Variants in CSN1S1 observed in about 807,000 individuals in gnomAD.
CSN1S1 encodes the protein alpha-S1-casein.
A neutral mutation model predicts 49.1 loss-of-function variants in CSN1S1; 63 were observed. The ratio of observed to expected loss-of-function variants is 1.28; its 90% confidence interval spans 1.05 to 1.58. The LOEUF (loss-of-function observed/expected upper bound fraction) is 1.58. Among genes scored for constraint, CSN1S1 ranks in the 40% most tolerant of loss-of-function variants. The pLI, the probability that CSN1S1 is intolerant of heterozygous loss-of-function variation, is 0.00. For missense variants in CSN1S1, 260 were observed against 224.7 expected (o/e 1.16, Z -1.01); for synonymous variants, 78 against 67.1 (o/e 1.16, Z -0.79).
chr4:69,935,859 A>G, intron 4 of CSN1S1, 67 bp from the exon 5 acceptor site: 3 of 1,003,420 alleles, frequency 3.0e-6, no homozygotes, highest in Non-Finnish European at 4.5e-6. Flanking sequence ...ATTCAAGGAC[A>G]TTATCTAAAT....
At position 69,931,405 on chromosome 4, in the gene CSN1S1, G is replaced by A. The variant is rs373593004; in HGVS notation, c.-13+288G>A. On this transcript the variant is annotated intron_variant, in intron 1 of 15. Coordinates refer to ENST00000246891, the MANE Select transcript of CSN1S1 (RefSeq NM_001890.2). ...TAATTTCAGTAGAGGCTTGGGGTAA[G>A]CTAATTTAAATTATTTTTACCTAAT... 1.2e-4 allele frequency among the ~76,000 whole-genome samples: 18 copies of A among 151,976 alleles called. No individual in the cohort carries two copies. The East Asian group carries it at 1.3e-3, about 11-fold the overall frequency.
rs1034842129 is a variant in CSN1S1 at position 69,936,378 on chromosome 4, G to C, written c.130-78G>C. The C allele has an allele frequency of 1.6e-5, 17 of 1,074,772 alleles. No individual in the cohort carries two copies. The African/African-American group carries it at 2.4e-4, about 15-fold the overall frequency. 66.6% of individuals were successfully genotyped at this position (1,074,772 alleles called of 1,614,324 possible). A position where few individuals can be genotyped will look rare whatever the true frequency, so the allele number is the denominator to read the frequency against. ...TAAATTTGTATCAGCACGATGTGAA[G>C]TACAGTTTCTCATAGATTTCCACTC... On this transcript the variant is annotated intron_variant, in intron 5 of 15. Coordinates refer to ENST00000246891, the MANE Select transcript of CSN1S1 (RefSeq NM_001890.2).
At chr4:69,932,702 G>A (rs1356474001) in intron 2 of CSN1S1, 96 bp downstream of exon 2, 4 of 1,109,714 alleles carry the variant, frequency 3.6e-6, no homozygotes, top group African/African-American at 3.1e-5. Context: ...TAATCTTAAA[G>A]CACTGGATGA....
intron 4 of CSN1S1, 61 bp downstream of exon 4, chr4:69,934,771 G>A: frequency 7.0e-7 from 1 of 1,432,434 alleles, no homozygotes; most frequent in South Asian, 1.2e-5. Context: ...TCAGTTAGCT[G>A]TCATGCATGT....
chr4:69,937,167 T>A, intron 8 of CSN1S1, 23 bp downstream of exon 8: 1 of 1,498,012 alleles, frequency 6.7e-7, no homozygotes, highest in Non-Finnish European at 9.0e-7. Flanking sequence ...GTTTTAAAAT[T>A]ATTAAACCAA....
At position 69,936,426 on chromosome 4, in the gene CSN1S1, A is replaced by G. The variant is rs147916266; in HGVS notation, c.130-30A>G. 1.4e-3 allele frequency: 2,127 copies of G among 1,482,748 alleles called. 23 individuals carry two copies. In the African/African-American group the frequency reaches 0.021, roughly 14 times the overall value. 91.8% of individuals were successfully genotyped at this position (1,482,748 alleles called of 1,614,324 possible). On this transcript the variant is annotated intron_variant, in intron 5 of 15. Coordinates refer to ENST00000246891, the MANE Select transcript of CSN1S1 (RefSeq NM_001890.2). ...CTCATGTATGTCTTGTTTCACTAAT[A>G]TTGTTTATGTTTTCTTTTTTATCCC...
intron 10 of CSN1S1, among the ~76,000 whole-genome samples, chr4:69,939,683 G>A (rs968397513): frequency 5.9e-5 from 9 of 151,586 alleles, no homozygotes; most frequent in East Asian, 1.9e-4. Flanking sequence ...AAAGTGGTGC[G>A]GTTTTTCCTT....
intron 2 of CSN1S1, among the ~76,000 whole-genome samples, chr4:69,932,908 C>T (rs1344911469): frequency 2.0e-5 from 3 of 151,850 alleles, no homozygotes; most frequent in Admixed American, 6.6e-5. Flanking sequence ...TAATAAATAG[C>T]AACAAACAAT....
intron 1 of CSN1S1, among the ~76,000 whole-genome samples, 172 bp from the exon 2 acceptor site, chr4:69,932,372 T>C (rs1027787239): frequency 6.6e-6 from 1 of 151,910 alleles, no homozygotes; most frequent in African/African-American, 2.4e-5. Flanking sequence ...AACATTGATA[T>C]TGAGTAGTAA....
In CSN1S1 at chr4:69,946,120, G is replaced by A. The variant is rs975081293; in HGVS notation, c.*-76G>A. ...ATACGAAGAGAAAATAGTAAAACGT[G>A]TTCTACCATAAGAGCTTTTCTTTTC... is the stretch of plus-strand genomic sequence containing the variant. On this transcript the variant is annotated intron_variant, in intron 15 of 15. Coordinates refer to ENST00000246891, the MANE Select transcript of CSN1S1 (RefSeq NM_001890.2). 199 of 418,246 alleles carry A rather than the reference G, an allele frequency of 4.8e-4. 2 individuals are homozygous for A. Among genetic ancestry groups the A allele is most frequent in the Non-Finnish European group, 1.2e-4 (27 of 221,544 alleles). 25.9% of individuals were successfully genotyped at this position (418,246 alleles called of 1,614,324 possible).
rs368039308 is a variant in CSN1S1 at position 69,934,631 on chromosome 4, A to G, written c.85-59A>G. On this transcript the variant is annotated intron_variant, in intron 3 of 15. Transcript: ENST00000246891. ...CCACAACTTTCTATGAGCACAACTA[A>G]TCCTACATTCTGTCCTGCAATTGGA... The G allele has an allele frequency of 6.7e-6, 10 of 1,500,942 alleles. No individual in the cohort carries two copies. In the African/African-American group the frequency reaches 1.4e-4, roughly 21 times the overall value. The allele number at this position is 1,500,942 out of a possible 1,614,324, so 93.0% of individuals were successfully genotyped here.
chr4:69,933,878 A>G (rs1722686725), intron 2 of CSN1S1, among the ~76,000 whole-genome samples: 2 of 152,076 alleles, frequency 1.3e-5, no homozygotes, highest in African/African-American at 4.8e-5. Context: ...TATATAGTTC[A>G]GAAAACTAAA....
In CSN1S1 at chr4:69,938,533, T is replaced by A. The variant is rs117281597; in HGVS notation, c.244-643T>A. ...TACCTACTCTACAATTATATTTTTT[T>A]AAATGCTGACTTATTACATATGGTT... On this transcript the variant is annotated intron_variant, in intron 9 of 15. Coordinates refer to ENST00000246891, the MANE Select transcript of CSN1S1 (RefSeq NM_001890.2). Among the ~76,000 whole-genome samples, 50 of 151,808 alleles carry A rather than the reference T, an allele frequency of 3.3e-4. 1 individual carries two copies. In the East Asian group the frequency reaches 9.0e-3, roughly 27 times the overall value.
At chr4:69,944,503 G>A (rs545585434) in intron 14 of CSN1S1, among the ~76,000 whole-genome samples, 1 of 152,054 alleles carries the variant, frequency 6.6e-6, no homozygotes, top group East Asian at 1.9e-4. Flanking sequence ...AAATTCCCTT[G>A]AGTTTATAAC....
At chr4:69,935,718 C>T (rs953957830) in intron 4 of CSN1S1, among the ~76,000 whole-genome samples, 6 of 152,152 alleles carry the variant, frequency 3.9e-5, no homozygotes, top group South Asian at 4.1e-4. Flanking sequence ...CTCTCCTTTC[C>T]GTGACGTATG....
Position 69,935,911 on chromosome 4 carries a change from C to A in CSN1S1, c.106-15C>A. The A allele has an allele frequency of 1.5e-6, 2 of 1,308,540 alleles. No homozygotes were observed. Among genetic ancestry groups the A allele is most frequent in the East Asian group, 2.9e-5 (1 of 34,608 alleles). 81.1% of individuals were successfully genotyped at this position (1,308,540 alleles called of 1,614,324 possible). ...CAACTATGAATGAATTTTAACATAA[C>A]TTTTTTTTTTGTAGCCTATACCATT... is the stretch of plus-strand genomic sequence containing the variant. On this transcript the variant is annotated splice_polypyrimidine_tract_variant and intron_variant, in intron 4 of 15. Transcript: ENST00000246891.
chr4:69,932,578 G>A lies in CSN1S1; in HGVS notation c.23G>A (p.Cys8Tyr). The part of the protein sequence containing the change: MRLLILT[C>Y]LVAVALARPK... ...ACCATGAGGCTTCTCATTCTCACCT[G>A]TCTTGTGGCTGTTGCTCTTGCCAGG... Residue 8 changes from cysteine to tyrosine, a missense_variant, in exon 2 of 16, where the codon TGT becomes TAT. Physicochemically the swap from Cys to Tyr is radical, Grantham distance 194. Transcript: ENST00000246891. 1 of 1,603,822 alleles carries A rather than the reference G, an allele frequency of 6.2e-7. No individual in the cohort carries two copies. The highest frequency in any genetic ancestry group is 1.1e-5 in the South Asian group (1 of 89,430).
chr4:69,939,970 G>A (rs1722920798), intron 10 of CSN1S1, 51 bp from the exon 11 acceptor site: 2 of 1,062,764 alleles, frequency 1.9e-6, no homozygotes, highest in Non-Finnish European at 1.3e-6. Context: ...AACTTTAAAT[G>A]TAAATTAATG....
At chr4:69,942,482 T>C (rs1285291611) in intron 13 of CSN1S1, 54 bp from the exon 14 acceptor site, 1 of 1,327,720 alleles carries the variant, frequency 7.5e-7, no homozygotes, top group Non-Finnish European at 1.1e-6. Context: ...GTAAGATAAA[T>C]GTGTTGTACC....
Sources: gnomAD v4.1 joint callset for allele counts (sites outside exome capture counted in the v4.1 genomes callset) on GRCh38, gnomAD v4.1.1 for gene constraint, MANE v1.5 for transcripts, NCBI Gene and HGNC (gene_info 2026-07-23, HGNC 2026-07-21) for gene names.